The following NEGR1 variants were observed in gnomAD, a reference collection of about 807,000 sequenced individuals.
NEGR1 encodes neuronal growth regulator 1.
In NEGR1, 10 loss-of-function variants were observed where a neutral mutation model predicts 40.9. That is an observed-to-expected ratio of 0.24 (90% CI 0.15 to 0.42). The LOEUF is 0.42. Among genes scored for constraint, NEGR1 ranks in the 10% least tolerant of loss-of-function variants. The pLI is 1.00. For missense variants in NEGR1, 352 were observed against 438.9 expected, an observed-to-expected ratio of 0.80 and a Z score of 1.77; for synonymous variants, 185 against 166.8, an observed-to-expected ratio of 1.11 and a Z score of -0.84.
chr1:71,591,613 T>G (rs1040691423), intron 6 of NEGR1, among the ~76,000 whole-genome samples: 1 of 152,146 alleles, frequency 6.6e-6, no homozygotes, highest in Non-Finnish European at 1.5e-5. Context: ...TTATTCATAA[T>G]TTCACTAAAT....
chr1:72,061,323 G>A (rs1647169098), intron 1 of NEGR1, among the ~76,000 whole-genome samples: 1 of 151,652 alleles, frequency 6.6e-6, no homozygotes, highest in Non-Finnish European at 1.5e-5. Context: ...TTCATTACCA[G>A]CAGTGTGCAA....
At chr1:71,675,126 T>TATATATACAC (rs145354058) in intron 4 of NEGR1, among the ~76,000 whole-genome samples, 4 of 77,830 alleles carry the variant, frequency 5.1e-5, no homozygotes, top group Middle Eastern at 0.011. Flanking sequence ...TATATATATA[T>TATATATACAC]ACACACACAC....
At chr1:72,138,460 A>G (rs1405420334) in intron 1 of NEGR1, among the ~76,000 whole-genome samples, 1 of 152,008 alleles carries the variant, frequency 6.6e-6, no homozygotes, top group African/African-American at 2.4e-5. Context: ...GCAAGGCCAA[A>G]TATGTGCTGC....
chr1:72,057,256 G>A (rs1647119429), intron 1 of NEGR1, among the ~76,000 whole-genome samples: 1 of 151,452 alleles, frequency 6.6e-6, no homozygotes. Flanking sequence ...AAATTTTTTG[G>A]TTACAAAATT....
intron 1 of NEGR1, among the ~76,000 whole-genome samples, chr1:71,952,368 C>A (rs1331889942): frequency 1.3e-5 from 2 of 151,792 alleles, no homozygotes; most frequent in African/African-American, 4.8e-5. Context: ...GATAGAAGAC[C>A]AAACCAGCCA....
At chr1:71,880,709 T>G (rs1660562253) in intron 2 of NEGR1, among the ~76,000 whole-genome samples, 1 of 152,054 alleles carries the variant, frequency 6.6e-6, no homozygotes, top group Non-Finnish European at 1.5e-5. Flanking sequence ...CAATTCTGAC[T>G]GTATGCATAT....
intron 5 of NEGR1, among the ~76,000 whole-genome samples, chr1:71,605,192 C>T (rs931675419): frequency 5.9e-5 from 9 of 151,996 alleles, no homozygotes; most frequent in African/African-American, 2.2e-4. Context: ...TTATTTAATA[C>T]TTTATTTTTA....
intron 6 of NEGR1, among the ~76,000 whole-genome samples, chr1:71,547,480 G>T (rs1410949049): frequency 6.6e-6 from 1 of 151,672 alleles, no homozygotes; most frequent in Non-Finnish European, 1.5e-5. Flanking sequence ...CTAAAACCTG[G>T]ACTCACAACA....
chr1:72,041,039 T>C (rs1209952779), intron 1 of NEGR1, among the ~76,000 whole-genome samples: 1 of 152,046 alleles, frequency 6.6e-6, no homozygotes, highest in African/African-American at 2.4e-5. Context: ...ATTGGAATTG[T>C]AACAAAAGAC....
At chr1:71,695,137 A>G (rs2101626216) in intron 4 of NEGR1, among the ~76,000 whole-genome samples, 1 of 151,938 alleles carries the variant, frequency 6.6e-6, no homozygotes, top group Middle Eastern at 3.4e-3. Context: ...ACACTTTGCA[A>G]ACCTTTTATA....
At chr1:71,634,700 C>T (rs984717801) in intron 4 of NEGR1, among the ~76,000 whole-genome samples, 1 of 152,108 alleles carries the variant, frequency 6.6e-6, no homozygotes, top group Admixed American at 6.6e-5. Context: ...TATTAAGAGT[C>T]ACTCCACATT....
chr1:71,543,499 T>C (rs1395023867), intron 6 of NEGR1, among the ~76,000 whole-genome samples: 1 of 151,750 alleles, frequency 6.6e-6, no homozygotes, highest in Non-Finnish European at 1.5e-5. Context: ...TCATAATTTT[T>C]AAATGTTTTA....
rs532699517 is a variant in NEGR1, at chr1:71,618,690, T to C, written c.668-7544A>G. On this transcript the variant is annotated intron_variant, in intron 4 of 6. Transcript: ENST00000357731. ...TAATAGAAATAAAGTGCACAATAAATATAATGCACTTGAATCATCCTGAAA... is the reference window on the plus strand; with the variant it reads ...TAATAGAAATAAAGTGCACAATAAACATAATGCACTTGAATCATCCTGAAA... Among the ~76,000 whole-genome samples the C allele has an allele frequency of 1.4e-4, 22 of 152,156 alleles. No homozygotes were observed. In the South Asian group the frequency reaches 4.4e-3, roughly 30 times the overall value.
At position 71,651,203 on chromosome 1, in the gene NEGR1, T is replaced by C. The variant is rs1651702850; in HGVS notation, c.668-40057A>G. On this transcript the variant is annotated intron_variant, in intron 4 of 6. Transcript: ENST00000357731. ...ATGATCAAAGAATAACAGTGACCTA[T>C]ATATGGGGGATTATGCCTTTGCTAA... 2.0e-5 allele frequency among the ~76,000 whole-genome samples: 3 copies of C among 152,094 alleles called. 1 individual carries two copies. Among genetic ancestry groups the C allele is most frequent in the South Asian group, 4.1e-4 (2 of 4,832 alleles).
intron 1 of NEGR1, among the ~76,000 whole-genome samples, chr1:72,096,197 T>C (rs895104533): frequency 6.6e-6 from 1 of 152,182 alleles, no homozygotes; most frequent in African/African-American, 2.4e-5. Context: ...AAGGTGAACA[T>C]GAACTTCATG....
chr1:72,140,800 A>T (rs1650647490), intron 1 of NEGR1, among the ~76,000 whole-genome samples: 1 of 152,058 alleles, frequency 6.6e-6, no homozygotes, highest in African/African-American at 2.4e-5. Context: ...TTGATATATT[A>T]TTCATAATTA....
intron 4 of NEGR1, among the ~76,000 whole-genome samples, chr1:71,695,439 T>A (rs551126286): frequency 6.6e-6 from 1 of 151,876 alleles, no homozygotes; most frequent in South Asian, 2.1e-4. Context: ...ACTGTACTTA[T>A]CTACCTGAAA....
At chr1:72,068,552 TGTGGATGG>T (rs1223413017) in intron 1 of NEGR1, among the ~76,000 whole-genome samples, 1 of 152,118 alleles carries the variant, frequency 6.6e-6, no homozygotes, top group Non-Finnish European at 1.5e-5. Context: ...GGTAACATTA[TGTGGATGG>T]GTGGATGGAC....
intron 4 of NEGR1, among the ~76,000 whole-genome samples, chr1:71,676,720 A>G (rs1652652534): frequency 1.3e-5 from 2 of 152,218 alleles, no homozygotes; most frequent in Admixed American, 1.3e-4. Flanking sequence ...TAGCTGTCTG[A>G]TAAAACAGAT....
Sources: allele counts gnomAD v4.1 joint callset (sites outside exome capture counted in the v4.1 genomes callset), GRCh38; gene constraint gnomAD v4.1.1; transcripts MANE v1.5; gene names NCBI Gene and HGNC (gene_info 2026-07-23, HGNC 2026-07-21).